Variants in GRIA1 observed in about 807,000 individuals in gnomAD.
GRIA1 encodes the protein glutamate ionotropic receptor AMPA type subunit 1.
A neutral mutation model predicts 99.2 loss-of-function variants in GRIA1; 31 were observed. The observed-to-expected ratio is 0.31, with a 90% CI of 0.23 to 0.42. The LOEUF (loss-of-function observed/expected upper bound fraction) is 0.42, where lower values mean the gene tolerates loss of function less well. Among genes scored for constraint, GRIA1 ranks in the 10% least tolerant of loss-of-function variants. GRIA1 has a pLI of 1.00. For missense variants in GRIA1, 782 were observed against 1,157.5 expected (o/e 0.68, Z 4.71); for synonymous variants, 438 against 432.4 (o/e 1.01, Z -0.16).
At position 153,802,412 on chromosome 5, in the gene GRIA1, C is replaced by G; in HGVS notation, c.2442C>G (p.Ile814Met). The change falls in exon 15 of 16, where the codon ATC (isoleucine) becomes ATG (methionine). Residue 814 changes from isoleucine (I) to methionine (M), a missense_variant. Ile to Met is a conservative substitution (Grantham distance 10, BLOSUM62 1). Coordinates refer to ENST00000285900, the MANE Select transcript of GRIA1 (RefSeq NM_000827.4). ...SNVAGVFYIL[I>M]GGLGLAMLVA... ...TGGCAGGCGTGTTCTACATCCTGAT[C>G]GGAGGACTTGGACTAGCCATGCTGG... 1 of 1,613,538 alleles carries G rather than the reference C, an allele frequency of 6.2e-7. No individual in the cohort carries two copies. Among genetic ancestry groups the G allele is most frequent in the Non-Finnish European group, 8.5e-7 (1 of 1,179,590 alleles).
intron 8 of GRIA1, among the ~76,000 whole-genome samples, chr5:153,692,298 T>C (rs1390119833): frequency 1.3e-5 from 2 of 152,198 alleles, no homozygotes; most frequent in African/African-American, 4.8e-5. Flanking sequence ...TTCTGATATA[T>C]TTTTATTGGT....
chr5:153,581,549 A>T (rs1382678868), intron 2 of GRIA1, among the ~76,000 whole-genome samples: 1 of 152,098 alleles, frequency 6.6e-6, no homozygotes, highest in Non-Finnish European at 1.5e-5. Context: ...CTTTTCTAAG[A>T]TATTTCCTGC....
intron 2 of GRIA1, among the ~76,000 whole-genome samples, chr5:153,500,919 A>T (rs1489264042): frequency 6.6e-6 from 1 of 152,164 alleles, no homozygotes; most frequent in Non-Finnish European, 1.5e-5. Flanking sequence ...TTGGAGAAAC[A>T]TCCCCTCCCC....
chr5:153,643,410 A>G (rs552431371), intron 2 of GRIA1, among the ~76,000 whole-genome samples: 3 of 152,320 alleles, frequency 2.0e-5, no homozygotes, highest in African/African-American at 7.2e-5. Flanking sequence ...TGTCTACAGA[A>G]CCATGTTATC....
At chr5:153,503,992 G>T (rs1469231368) in intron 2 of GRIA1, among the ~76,000 whole-genome samples, 1 of 152,144 alleles carries the variant, frequency 6.6e-6, no homozygotes, top group Non-Finnish European at 1.5e-5. Context: ...GCCTTCACCT[G>T]CCCAGCTACA....
chr5:153,736,040 G>A (rs939568792), intron 11 of GRIA1, among the ~76,000 whole-genome samples: 6 of 152,192 alleles, frequency 3.9e-5, no homozygotes, highest in Admixed American at 6.5e-5. Context: ...TCAGCATACA[G>A]TATTTAAATC....
At chr5:153,682,008 C>T (rs933455694) in intron 7 of GRIA1, among the ~76,000 whole-genome samples, 2 of 151,146 alleles carry the variant, frequency 1.3e-5, no homozygotes, top group Non-Finnish European at 1.5e-5. Flanking sequence ...CATACCACAC[C>T]AGCCTGGGTG....
intron 11 of GRIA1, among the ~76,000 whole-genome samples, chr5:153,731,086 C>G (rs6580034): frequency 0.53 from 80,124 of 151,498 alleles, 22,154 homozygotes; most frequent in East Asian, 0.94. Context: ...CTTTAACCAC[C>G]TTGATCAGAC....
chr5:153,629,902 T>A (rs970813324), intron 2 of GRIA1, among the ~76,000 whole-genome samples: 14 of 152,216 alleles, frequency 9.2e-5, no homozygotes, highest in African/African-American at 3.4e-4. Context: ...GTTTTCCCCA[T>A]ACTATACCAC....
At chr5:153,804,724 A>ATTT (rs1561874775) in intron 15 of GRIA1, among the ~76,000 whole-genome samples, 21 of 78,530 alleles carry the variant, frequency 2.7e-4, no homozygotes, top group Non-Finnish European at 4.0e-4. Flanking sequence ...TTAATTAATT[A>ATTT]ATTAATTAAT....
intron 13 of GRIA1, among the ~76,000 whole-genome samples, chr5:153,789,352 TATAA>T (rs984437981): frequency 3.3e-5 from 5 of 150,314 alleles, no homozygotes; most frequent in African/African-American, 4.9e-5. Flanking sequence ...ACATATATGA[TATAA>T]ATAAATATAT....
chr5:153,522,071 G>C (rs1032060248), intron 2 of GRIA1, among the ~76,000 whole-genome samples: 1 of 152,168 alleles, frequency 6.6e-6, no homozygotes, highest in East Asian at 1.9e-4. Flanking sequence ...TAATTATTGT[G>C]TTGGGAGCTG....
intron 2 of GRIA1, among the ~76,000 whole-genome samples, chr5:153,497,008 A>T (rs1177352900): frequency 6.6e-6 from 1 of 152,084 alleles, no homozygotes; most frequent in Non-Finnish European, 1.5e-5. Context: ...TTCATGCTAG[A>T]CATGTTAGCA....
chr5:153,537,042 C>T (rs1758643223), intron 2 of GRIA1, among the ~76,000 whole-genome samples: 2 of 152,146 alleles, frequency 1.3e-5, no homozygotes, highest in South Asian at 4.2e-4. Context: ...GAGAGAGATT[C>T]CACAGGCCTA....
intron 15 of GRIA1, among the ~76,000 whole-genome samples, chr5:153,809,905 T>C (rs1223922629): frequency 6.6e-6 from 1 of 152,046 alleles, no homozygotes; most frequent in Non-Finnish European, 1.5e-5. Context: ...GAAGAAGAGG[T>C]AGGGTTGGTC....
intron 8 of GRIA1, among the ~76,000 whole-genome samples, chr5:153,688,022 T>G (rs752678861): frequency 5.5e-4 from 84 of 152,214 alleles, no homozygotes; most frequent in Non-Finnish European, 9.7e-4. Context: ...TCCAGTTTCT[T>G]AAAGGCCACC....
At chr5:153,674,775 C>A in intron 6 of GRIA1, 114 bp downstream of exon 6, 1 of 1,086,870 alleles carries the variant, frequency 9.2e-7, no homozygotes, top group African/African-American at 1.6e-5. Flanking sequence ...CGAACAAATT[C>A]AGGGAAATAT....
chr5:153,747,724 G>A (rs1762252164), intron 11 of GRIA1, among the ~76,000 whole-genome samples: 1 of 152,178 alleles, frequency 6.6e-6, no homozygotes, highest in Non-Finnish European at 1.5e-5. Flanking sequence ...CTGCCCTGCA[G>A]AGCCCAGTTA....
At chr5:153,731,303 C>T (rs1761003795) in intron 11 of GRIA1, among the ~76,000 whole-genome samples, 1 of 151,602 alleles carries the variant, frequency 6.6e-6, no homozygotes, top group South Asian at 2.1e-4. Context: ...TTCCAAACTC[C>T]TGGGCCCTTT....
Sources: gnomAD v4.1 joint callset for allele counts (sites outside exome capture counted in the v4.1 genomes callset) on GRCh38, gnomAD v4.1.1 for gene constraint, MANE v1.5 for transcripts, NCBI Gene and HGNC (gene_info 2026-07-23, HGNC 2026-07-21) for gene names.